AGAP1: variants seen among roughly 807,000 people sequenced by gnomAD.
AGAP1 encodes the protein ArfGAP with GTPase domain, ankyrin repeat and PH domain 1, also known as arf-GAP with GTPase, ANK repeat and PH domain-containing protein 1.
Under a neutral mutation model 105.3 loss-of-function variants are expected in AGAP1, and 29 were observed. The ratio of observed to expected loss-of-function variants is 0.28; its 90% CI spans 0.21 to 0.38. AGAP1 has a LOEUF of 0.38. Among genes scored for constraint, AGAP1 ranks in the 10% least tolerant of loss-of-function variants. The pLI is 1.00. For synonymous variants in AGAP1, 509 were observed against 485.9 expected (o/e 1.05, Z -0.63); for missense variants, 998 against 1,165.1 (o/e 0.86, Z 2.09).
chr2:235,806,420 G>A (rs1213065997), intron 8 of AGAP1, among the ~76,000 whole-genome samples: 6 of 152,054 alleles, frequency 3.9e-5, no homozygotes, highest in African/African-American at 7.2e-5. Context: ...TCATGCCATC[G>A]AGAGAGGAGA....
In AGAP1 at chr2:235,549,810, T is replaced by C. The variant is rs1943746129; in HGVS notation, c.163+54961T>C. On this transcript the variant is annotated intron_variant, in intron 1 of 17. Coordinates refer to ENST00000304032, the MANE Select transcript of AGAP1 (RefSeq NM_001037131.3). This position sits in a 1 kb window ranked among gnomAD's most constrained non-coding sequence, Gnocchi z 4.2. ...TAACAAACAGGTATAGACAACATCCTAGTTGCATCTCACCGCGGCCTAACA... is the reference window on the plus strand; with the variant it reads ...TAACAAACAGGTATAGACAACATCCCAGTTGCATCTCACCGCGGCCTAACA... 6.6e-6 allele frequency among the ~76,000 whole-genome samples: 1 copy of C among 152,192 alleles called. No homozygotes were observed. Among genetic ancestry groups the C allele is most frequent in the Non-Finnish European group, 1.5e-5 (1 of 68,038 alleles).
At chr2:235,645,448 A>G (rs186732333) in intron 1 of AGAP1, among the ~76,000 whole-genome samples, 120 of 152,264 alleles carry the variant, frequency 7.9e-4, no homozygotes, top group African/African-American at 2.2e-3. Context: ...TAGATCCCAA[A>G]TTCTCAATGA....
chr2:235,759,432 G>A (rs866970240), intron 6 of AGAP1, among the ~76,000 whole-genome samples: 1 of 152,198 alleles, frequency 6.6e-6, no homozygotes, highest in African/African-American at 2.4e-5. Flanking sequence ...GCCTCCCAAA[G>A]TGCTGGGATT....
intron 1 of AGAP1, among the ~76,000 whole-genome samples, chr2:235,563,249 C>T (rs545725140): frequency 5.2e-4 from 79 of 152,178 alleles, no homozygotes; most frequent in Admixed American, 1.2e-3. Flanking sequence ...GCCCACTCGG[C>T]GTCCCCAGCA....
Position 236,044,416 on chromosome 2 carries a change from C to T in AGAP1, c.1891+3575C>T, listed in dbSNP as rs947633478. Among the ~76,000 whole-genome samples, 4 of 152,162 alleles carry T rather than the reference C, an allele frequency of 2.6e-5. No individual in the cohort carries two copies. The highest frequency in any genetic ancestry group is 2.1e-4 in the South Asian group (1 of 4,828). On this transcript the variant is annotated intron_variant, in intron 15 of 17. Coordinates refer to ENST00000304032, the MANE Select transcript of AGAP1 (RefSeq NM_001037131.3). This position sits in a 1 kb window ranked among gnomAD's most constrained non-coding sequence, Gnocchi z 5.7. ...GGACAGGCCCTGAGAGGCAGCTCAC[C>T]GTTTCTGCTGCTTTCTCTCTGCCCA...
intron 13 of AGAP1, among the ~76,000 whole-genome samples, chr2:236,017,075 G>A (rs2056729431): frequency 6.6e-6 from 1 of 151,836 alleles, no homozygotes; most frequent in Non-Finnish European, 1.5e-5. Context: ...GGTCACCTGA[G>A]GTCAGGAGTT....
chr2:236,058,110 C>G lies in AGAP1; in HGVS notation c.2114+8829C>G, dbSNP rs548471439. ...AGTCAGCATCCCTAGGGGGTAGGGT[C>G]CAGTGGTGTGTTTTAACTCTCTAGG... On this transcript the variant is annotated intron_variant, in intron 16 of 17. Transcript: ENST00000304032. The surrounding 1 kb of genome is among the most constrained non-coding windows in gnomAD (Gnocchi z 4.6). 6.6e-6 allele frequency among the ~76,000 whole-genome samples: 1 copy of G among 152,266 alleles called. No homozygotes were observed. The highest frequency in any genetic ancestry group is 2.4e-5 in the African/African-American group (1 of 41,544).
intron 1 of AGAP1, among the ~76,000 whole-genome samples, chr2:235,522,817 A>G (rs949871396): frequency 3.3e-5 from 5 of 152,124 alleles, no homozygotes; most frequent in African/African-American, 9.7e-5. Context: ...TCTGTTTGGT[A>G]CTGTTAGAGC....
At chr2:235,790,983 T>C (rs1956942389) in intron 6 of AGAP1, among the ~76,000 whole-genome samples, 1 of 152,182 alleles carries the variant, frequency 6.6e-6, no homozygotes, top group Admixed American at 6.5e-5. Flanking sequence ...GAACATACTG[T>C]AGCCAGAAAA....
chr2:235,783,132 C>T (rs998384254), intron 6 of AGAP1, among the ~76,000 whole-genome samples: 7 of 150,490 alleles, frequency 4.7e-5, no homozygotes, highest in African/African-American at 1.5e-4. Context: ...TCTTAAATAC[C>T]ATTTTTCTCA....
At chr2:235,722,593 C>G (rs1480094568) in intron 3 of AGAP1, among the ~76,000 whole-genome samples, 1 of 152,112 alleles carries the variant, frequency 6.6e-6, no homozygotes, top group Non-Finnish European at 1.5e-5. Flanking sequence ...CAAACTTTTT[C>G]TTATAAGGAC....
Position 235,931,661 on chromosome 2 carries a change from T to A in AGAP1, c.1483+738T>A, listed in dbSNP as rs1352029733. Among the ~76,000 whole-genome samples the A allele has an allele frequency of 1.3e-5, 2 of 151,996 alleles. No homozygotes were observed. The highest frequency in any genetic ancestry group is 2.9e-5 in the Non-Finnish European group (2 of 67,994). On this transcript the variant is annotated intron_variant, in intron 12 of 17. Transcript: ENST00000304032. This position sits in a 1 kb window ranked among gnomAD's most constrained non-coding sequence, Gnocchi z 5.6. ...TAATCTATCAGACGGGGTTTTAGAG[T>A]AATCTTAGCATAATTTGTTCTAATT...
Position 236,089,018 on chromosome 2 carries a change from A to G in AGAP1, c.2115-31174A>G, listed in dbSNP as rs868729280. Among the ~76,000 whole-genome samples, 9 of 152,356 alleles carry G rather than the reference A, an allele frequency of 5.9e-5. No homozygotes were observed. The South Asian group carries it at 1.2e-3, about 21-fold the overall frequency. On this transcript the variant is annotated intron_variant, in intron 16 of 17. Coordinates refer to ENST00000304032, the MANE Select transcript of AGAP1 (RefSeq NM_001037131.3). The surrounding 1 kb of genome is among the most constrained non-coding windows in gnomAD (Gnocchi z 5.6). ...AGAACTGGTTTGTATAATATGTTTC[A>G]AAGTACAGAAGGTAGAAGGTACATC... is the stretch of plus-strand genomic sequence containing the variant.
chr2:235,579,524 C>T (rs1398807420), intron 1 of AGAP1, among the ~76,000 whole-genome samples: 1 of 152,074 alleles, frequency 6.6e-6, no homozygotes, highest in Admixed American at 6.6e-5. Context: ...ACCTGTAATC[C>T]CAGCACTTTG....
At chr2:235,640,961 G>A (rs955027257) in intron 1 of AGAP1, among the ~76,000 whole-genome samples, 2 of 152,222 alleles carry the variant, frequency 1.3e-5, no homozygotes, top group South Asian at 4.1e-4. Flanking sequence ...CCTAATAACA[G>A]TGTCTTTTAT....
chr2:235,975,276 AT>A (rs2054810753), intron 13 of AGAP1, among the ~76,000 whole-genome samples: 1 of 152,120 alleles, frequency 6.6e-6, no homozygotes, highest in African/African-American at 2.4e-5. Flanking sequence ...ATTATTATTA[AT>A]TAGTTGATGT....
At position 235,586,103 on chromosome 2, in the gene AGAP1, G is replaced by GA. The variant is rs1413253845; in HGVS notation, c.163+91261dup. 2.6e-5 allele frequency among the ~76,000 whole-genome samples: 4 copies of GA among 152,018 alleles called. No homozygotes were observed. The highest frequency in any genetic ancestry group is 4.8e-5 in the African/African-American group (2 of 41,408). On this transcript the variant is annotated intron_variant, in intron 1 of 17. Coordinates refer to ENST00000304032, the MANE Select transcript of AGAP1 (RefSeq NM_001037131.3). The surrounding 1 kb of genome is among the most constrained non-coding windows in gnomAD (Gnocchi z 4.2). ...TCAAATGCAAGTTGGGGAAGTGGCT[G>GA]AAAAAAATGCCTCCTGGAAAAAGCA... is the stretch of plus-strand genomic sequence containing the variant.
Position 235,830,047 on chromosome 2 carries a change from G to A in AGAP1, c.1050+22716G>A, listed in dbSNP as rs1330779469. On this transcript the variant is annotated intron_variant, in intron 9 of 17. Coordinates refer to ENST00000304032, the MANE Select transcript of AGAP1 (RefSeq NM_001037131.3). The surrounding 1 kb of genome is among the most constrained non-coding windows in gnomAD (Gnocchi z 5.5). ...GTCAGAAGGAAGACTGGGGGTCGGGGTGGGACAGCATGATGCAGAGCTTTG... is the reference window on the plus strand; with the variant it reads ...GTCAGAAGGAAGACTGGGGGTCGGGATGGGACAGCATGATGCAGAGCTTTG... 1.3e-5 allele frequency among the ~76,000 whole-genome samples: 2 copies of A among 152,158 alleles called. No individual in the cohort carries two copies. Among genetic ancestry groups the A allele is most frequent in the African/African-American group, 4.8e-5 (2 of 41,432 alleles).
chr2:236,052,594 A>G (rs1392518284), intron 16 of AGAP1, among the ~76,000 whole-genome samples: 1 of 152,202 alleles, frequency 6.6e-6, no homozygotes, highest in Non-Finnish European at 1.5e-5. Context: ...CGGCGGCTGA[A>G]GCAGTATTGA....
Sources: gnomAD v4.1 joint callset for allele counts (sites outside exome capture counted in the v4.1 genomes callset) on GRCh38, gnomAD v4.1.1 for gene constraint, Gnocchi (gnomAD v3.1) non-coding constraint, MANE v1.5 for transcripts, NCBI Gene and HGNC (gene_info 2026-07-23, HGNC 2026-07-21) for gene names.